GGT6: variants seen among roughly 807,000 people sequenced by gnomAD.
The protein encoded by GGT6 is glutathione hydrolase 6.
GGT6 carries 13 observed loss-of-function variants against 17.0 expected under a neutral mutation model. The observed-to-expected ratio is 0.77, with a 90% confidence interval of 0.50 to 1.22. The LOEUF (loss-of-function observed/expected upper bound fraction) is 1.22. Among genes scored for constraint, GGT6 ranks in the 50% most tolerant of loss-of-function variants. GGT6 has a pLI of 0.00. For synonymous variants in GGT6, 305 were observed against 297.9 expected (o/e 1.02, Z -0.25); for missense variants, 628 against 643.7 (o/e 0.98, Z 0.26).
chr17:4,559,840 C>G, intron 1 of GGT6, 80 bp from the exon 2 acceptor site: 1 of 1,361,976 alleles, frequency 7.3e-7, no homozygotes, highest in South Asian at 1.2e-5. Flanking sequence ...GGAATATTTC[C>G]CAAAAGGTTT....
chr17:4,558,992 G>A lies in GGT6; in HGVS notation c.523C>T (p.Pro175Ser). Residue 175 changes from proline (P) to serine (S), a missense_variant, in exon 4 of 4, where the codon CCA becomes TCA. Physicochemically the swap from Pro to Ser is moderately conservative, Grantham distance 74 (BLOSUM62 -1). Transcript: ENST00000381550. The part of the protein sequence containing the change: ...SGNSTALTSG[P>S]AQTLAPGLGL... ...AGGCCGGGGGCCAGGGTCTGTGCTG[G>A]GCCTGATGTCAGGGCCGTGGAATTG... The A allele has an allele frequency of 6.5e-7, 1 of 1,545,830 alleles. No individual in the cohort carries two copies. The highest frequency in any genetic ancestry group is 1.2e-5 in the South Asian group (1 of 84,038).
At position 4,557,925 on chromosome 17, in the gene GGT6, G is replaced by A. The variant is rs1908279681; in HGVS notation, c.*90C>T. ...ACAGGTGTGAGGCACCACACCCTGC[G>A]GGTGCACACTCCATTGCTGCTGTGT... On this transcript the variant is annotated 3_prime_UTR_variant, in exon 4 of 4. Coordinates refer to ENST00000381550, the MANE Select transcript of GGT6 (RefSeq NM_001288702.2). 1.1e-5 allele frequency: 9 copies of A among 854,570 alleles called. No homozygotes were observed. Among genetic ancestry groups the A allele is most frequent in the Middle Eastern group, 3.5e-4 (1 of 2,834 alleles). 52.9% of individuals were successfully genotyped at this position (854,570 alleles called of 1,614,324 possible).
Position 4,558,943 on chromosome 17 carries a change from G to C in GGT6, c.572C>G (p.Thr191Ser). The change falls in exon 4 of 4, where the codon ACC becomes AGC. Residue 191 changes from threonine to serine, a missense_variant. Transcript: ENST00000381550. ...GAAGCGTGCATGCAGCAGGTGCAGG[G>C]TGGGCAGAGCCGCGGGCAGCCCCAG... is the stretch of plus-strand genomic sequence containing the variant. ...PGLGLPAALP[T>S]LHLLHARFGR... The C allele has an allele frequency of 6.5e-7, 1 of 1,549,738 alleles. No homozygotes were observed. Among genetic ancestry groups the C allele is most frequent in the Non-Finnish European group, 8.7e-7 (1 of 1,146,916 alleles).
At position 4,558,184 on chromosome 17, in the gene GGT6, A is replaced by G. The variant is rs1248990412; in HGVS notation, c.1331T>C (p.Leu444Pro). 1 of 1,614,000 alleles carries G rather than the reference A, an allele frequency of 6.2e-7. No homozygotes were observed. Among genetic ancestry groups the G allele is most frequent in the African/African-American group, 1.3e-5 (1 of 74,936 alleles). Reference protein sequence around the residue: ...RAMTHTLLRHLAARPPTQAQH... With the variant: ...RAMTHTLLRHPAARPPTQAQH... ...GGCCTGGGTAGGGGGCCTTGCTGCC[A>G]GATGCCTGAGTAGGGTGTGAGTCAT... The change falls in exon 4 of 4, where the codon CTG becomes CCG. Residue 444 changes from leucine (L) to proline (P), a missense_variant. By Grantham distance (98) the Leu-to-Pro change is moderately conservative. Coordinates refer to ENST00000381550, the MANE Select transcript of GGT6 (RefSeq NM_001288702.2).
At chr17:4,560,241 G>T in intron 1 of GGT6, 141 bp downstream of exon 1, 2 of 909,446 alleles carry the variant, frequency 2.2e-6, no homozygotes, top group Non-Finnish European at 3.4e-6. Context: ...CTACAGCCTG[G>T]GTTTTCCCCC....
chr17:4,559,280 A>C, intron 3 of GGT6, 63 bp downstream of exon 3: 1 of 1,357,918 alleles, frequency 7.4e-7, no homozygotes. Context: ...CTGACTCCCT[A>C]AGTTCCAGGT....
chr17:4,559,154 C>G, intron 3 of GGT6, 97 bp from the exon 4 acceptor site: 1 of 1,445,676 alleles, frequency 6.9e-7, no homozygotes, highest in South Asian at 1.3e-5. Context: ...TCAGGAGTTA[C>G]TGACCAGGCC....
rs11657054 is a variant in GGT6 at position 4,559,728 on chromosome 17, G to A, written c.173C>T (p.Ala58Val). 0.76 allele frequency: 1,218,079 copies of A among 1,611,606 alleles called. 461,314 individuals are homozygous for A. The highest frequency in any genetic ancestry group is 0.88 in the East Asian group (39,652 of 44,864). The change falls in exon 2 of 4, where the codon GCC (alanine) becomes GTC (valine). Residue 58 changes from alanine to valine, a missense_variant. By Grantham distance (64) the Ala-to-Val change is moderately conservative. Transcript: ENST00000381550. ...NKAGGLPGTW[A>V]RVVAALLLLA... ...CAGCAGCAGGGCTGCCACTACACGGGCCCAGGTTCCGGGCAGCCCGCCAGC... is the reference window on the plus strand; with the variant it reads ...CAGCAGCAGGGCTGCCACTACACGGACCCAGGTTCCGGGCAGCCCGCCAGC...
Position 4,559,600 on chromosome 17 carries a change from C to A in GGT6, c.301G>T (p.Gly101Cys), listed in dbSNP as rs142207873. ...VAPPPGGHSH[G>C]PGVYHHGAII... ...GCACCGTGGTGGTATACGCCAGGGCCGTGGGAGTGTCCGCCGGGTGGAGGG... is the reference window on the plus strand; with the variant it reads ...GCACCGTGGTGGTATACGCCAGGGCAGTGGGAGTGTCCGCCGGGTGGAGGG... Residue 101 changes from glycine (G) to cysteine (C), a missense_variant, in exon 2 of 4, where the codon GGC becomes TGC. By Grantham distance (159) the Gly-to-Cys change is radical. Transcript: ENST00000381550. 10 of 1,613,736 alleles carry A rather than the reference C, an allele frequency of 6.2e-6. No homozygotes were observed. The South Asian group carries it at 1.1e-4, about 18-fold the overall frequency.
At position 4,559,553 on chromosome 17, in the gene GGT6, C is replaced by G. The variant is rs774614008; in HGVS notation, c.343+5G>C. ...CTCCCCAAGCCGCCCCCAGCACTGA[C>G]TGACCTGCAGGGCTGATGATGGCAC... On this transcript the variant is annotated splice_donor_5th_base_variant and intron_variant, in intron 2 of 3. Transcript: ENST00000381550. 1.3e-5 allele frequency: 21 copies of G among 1,613,014 alleles called. No homozygotes were observed. The highest frequency in any genetic ancestry group is 1.5e-5 in the Non-Finnish European group (18 of 1,179,750).
rs34668943 is a variant in GGT6 at position 4,557,311 on chromosome 17, CTTTTTTTTTT to C, written c.*694_*703del. ...GCCAGCAGTGAGCACATAATAAATC[CTTTTTTTTTT>C]TTTTTTTTTTAGACAGGGTTTCCCT... On this transcript the variant is annotated 3_prime_UTR_variant, in exon 4 of 4. Transcript: ENST00000381550. The C allele has an allele frequency of 1.5e-5, 2 of 129,270 alleles. No homozygotes were observed. The highest frequency in any genetic ancestry group is 3.3e-5 in the Non-Finnish European group (2 of 60,982). The allele number at this position is 129,270 out of a possible 1,614,324, so 8.0% of individuals were successfully genotyped here.
Position 4,558,653 on chromosome 17 carries a change from G to C in GGT6, c.862C>G (p.Leu288Val), listed in dbSNP as rs1908362407. ...ACAGCCGAGGGCACCTCCACCCCCA[G>C]GTCTCCCGCCAGTAGACTCAGTAGA... is the stretch of plus-strand genomic sequence containing the variant. Reference protein sequence around the residue: ...DALLSLLAGDLGVEVPSAVPR... With the variant: ...DALLSLLAGDVGVEVPSAVPR... Residue 288 changes from leucine to valine, a missense_variant, in exon 4 of 4, where the codon CTG (leucine) becomes GTG (valine). By Grantham distance (32) the Leu-to-Val change is conservative. Coordinates refer to ENST00000381550, the MANE Select transcript of GGT6 (RefSeq NM_001288702.2). The C allele has an allele frequency of 2.5e-6, 4 of 1,582,674 alleles. No homozygotes were observed. Among genetic ancestry groups the C allele is most frequent in the Non-Finnish European group, 3.4e-6 (4 of 1,165,080 alleles).
downstream of GGT6, among the ~76,000 whole-genome samples, chr17:4,556,224 G>A (rs1908096857): frequency 6.6e-6 from 1 of 152,206 alleles, no homozygotes; most frequent in Admixed American, 6.5e-5. Flanking sequence ...GCTGTGTGGG[G>A]GATGGACTGT....
At position 4,560,567 on chromosome 17, in the gene GGT6, G is replaced by C. The variant is rs777277059; in HGVS notation, c.-46C>G. On this transcript the variant is annotated 5_prime_UTR_variant, in exon 1 of 4. Coordinates refer to ENST00000381550, the MANE Select transcript of GGT6 (RefSeq NM_001288702.2). Reference sequence around the variant, plus strand: ...AGCCCTCCTGCCTGCCAGCCTTTCCGGCTGTGTCTCAGAGGCCCTGCCCAA... The same window carrying C: ...AGCCCTCCTGCCTGCCAGCCTTTCCCGCTGTGTCTCAGAGGCCCTGCCCAA... The C allele has an allele frequency of 6.2e-7, 1 of 1,601,242 alleles. No individual in the cohort carries two copies. Among genetic ancestry groups the C allele is most frequent in the Admixed American group, 1.7e-5 (1 of 59,944 alleles).
chr17:4,556,472 G>A (rs77223151), downstream of GGT6, among the ~76,000 whole-genome samples: 39 of 152,302 alleles, frequency 2.6e-4, no homozygotes, highest in East Asian at 7.5e-3. Context: ...AAGGTGGTGG[G>A]ATCAAACGGT....
rs762232053 is a variant in GGT6, at chr17:4,558,141, A to C, written c.1374T>G (p.Gly458=). ...TGGGATGCTCTGTTGGTTCTTGCTG[A>C]CCCTGATGCTGGTGCTGGGCCTGGG... The part of the protein sequence containing the change: ...PPTQAQHQHQ[G]QQEPTEHPST... Residue 458 remains glycine, a synonymous_variant, in exon 4 of 4, where the codon GGT becomes GGG. Coordinates refer to ENST00000381550, the MANE Select transcript of GGT6 (RefSeq NM_001288702.2). 1 of 1,613,474 alleles carries C rather than the reference A, an allele frequency of 6.2e-7. No homozygotes were observed. Among genetic ancestry groups the C allele is most frequent in the Admixed American group, 1.7e-5 (1 of 59,948 alleles).
In GGT6 at chr17:4,559,430, G is replaced by A; in HGVS notation, c.370C>T (p.Leu124=). ...ACGACGTTGCCCCCGGCAACAAGCA[G>A]CTCTCGGCCTAGGTGGGAGCATGTG... ...AATCSHLGRE[L]LVAGGNVVDA... is the part of the protein sequence containing the mutation. The change falls in exon 3 of 4, where the codon CTG becomes TTG. Residue 124 remains leucine, a synonymous_variant. Coordinates refer to ENST00000381550, the MANE Select transcript of GGT6 (RefSeq NM_001288702.2). 6.4e-7 allele frequency: 1 copy of A among 1,552,204 alleles called. No individual in the cohort carries two copies. The highest frequency in any genetic ancestry group is 8.7e-7 in the Non-Finnish European group (1 of 1,147,224).
chr17:4,556,294 G>C (rs1908104537), downstream of GGT6, among the ~76,000 whole-genome samples: 1 of 152,214 alleles, frequency 6.6e-6, no homozygotes, highest in Admixed American at 6.5e-5. Flanking sequence ...ACTGGACCCA[G>C]GGAAAATGAG....
At position 4,558,453 on chromosome 17, in the gene GGT6, G is replaced by T; in HGVS notation, c.1062C>A (p.Pro354=). The T allele has an allele frequency of 6.2e-7, 1 of 1,606,666 alleles. No individual in the cohort carries two copies. The highest frequency in any genetic ancestry group is 8.5e-7 in the Non-Finnish European group (1 of 1,179,422). ...CPPFLQTAVS[P]ESSALAAVDS... Reference sequence around the variant, plus strand: ...CCACGGCGGCCAGGGCACTGCTCTCGGGGCTCACAGCAGTCTGCAGGAACG... The same window carrying T: ...CCACGGCGGCCAGGGCACTGCTCTCTGGGCTCACAGCAGTCTGCAGGAACG... Residue 354 remains proline (P), a synonymous_variant, in exon 4 of 4, where the codon CCC becomes CCA. Transcript: ENST00000381550.
Sources: gnomAD v4.1 joint callset for allele counts (sites outside exome capture counted in the v4.1 genomes callset) on GRCh38, gnomAD v4.1.1 for gene constraint, MANE v1.5 for transcripts, NCBI Gene and HGNC (gene_info 2026-07-23, HGNC 2026-07-21) for gene names.